MCF2L: variants seen among roughly 807,000 people sequenced by gnomAD.
MCF2L encodes the protein guanine nucleotide exchange factor DBS.
Under a neutral mutation model 153.4 loss-of-function variants are expected in MCF2L, and 97 were observed. That is an observed-to-expected ratio of 0.63 (90% CI 0.54 to 0.75). The LOEUF (loss-of-function observed/expected upper bound fraction) is 0.75, where lower values mean the gene tolerates loss of function less well. MCF2L is among the 30% of genes least tolerant of loss of function. The pLI is 0.00. For synonymous variants in MCF2L, 659 were observed against 632.2 expected (o/e 1.04, Z -0.64); for missense variants, 1,347 against 1,495.2 (o/e 0.90, Z 1.64).
intron 4 of MCF2L, among the ~76,000 whole-genome samples, chr13:113,051,231 G>T (rs543055304): frequency 6.6e-5 from 10 of 152,322 alleles, no homozygotes; most frequent in Admixed American, 5.2e-4. Context: ...GATTACAGGG[G>T]AGGAGCTGGG....
chr13:112,948,693 T>C (rs1418758579), intron 2 of MCF2L, among the ~76,000 whole-genome samples: 1 of 152,216 alleles, frequency 6.6e-6, no homozygotes, highest in Non-Finnish European at 1.5e-5. Context: ...ACTTCTTGTC[T>C]ACCTCTCTAG....
chr13:113,048,534 C>T (rs142265778), intron 4 of MCF2L, among the ~76,000 whole-genome samples: 1 of 140,118 alleles, frequency 7.1e-6, no homozygotes, highest in Non-Finnish European at 1.6e-5. Flanking sequence ...TCTGCCTCCC[C>T]GGGTTCACGC....
At position 113,090,341 on chromosome 13, in the gene MCF2L, C is replaced by T. The variant is rs7987715; in HGVS notation, c.2953+613C>T. On this transcript the variant is annotated intron_variant, in intron 26 of 29. Transcript: ENST00000535094. The stretch of plus-strand genomic sequence containing the variant: ...AGACACCAGAGTTATTTAGAGGTGG[C>T]TTTCCTTCGGGAAAATGAAGGCGAG... 5,372 of 985,450 alleles carry T rather than the reference C, an allele frequency of 5.5e-3. 229 individuals are homozygous for T. The African/African-American group carries it at 0.086, about 16-fold the overall frequency. The allele number at this position is 985,450 out of a possible 1,614,324, so 61.0% of individuals were successfully genotyped here.
chr13:113,019,389 C>A (rs1362206792), intron 2 of MCF2L, among the ~76,000 whole-genome samples: 1 of 152,216 alleles, frequency 6.6e-6, no homozygotes, highest in African/African-American at 2.4e-5. Context: ...CCGATCCGAT[C>A]CTGCGCTCCC....
chr13:113,014,892 G>T, intron 2 of MCF2L, 46 bp downstream of exon 2: 6 of 1,577,604 alleles, frequency 3.8e-6, no homozygotes, highest in Non-Finnish European at 5.2e-6. Flanking sequence ...GGGGTCTGGG[G>T]CCGGGTGTGG....
intron 27 of MCF2L, 47 bp downstream of exon 27, chr13:113,094,682 G>C (rs367897957): frequency 6.4e-7 from 1 of 1,574,182 alleles, no homozygotes; most frequent in Non-Finnish European, 8.6e-7. Context: ...GCTGCCCTCC[G>C]GGGATTAGGG....
chr13:113,091,622 G>A (rs143001746), intron 26 of MCF2L, among the ~76,000 whole-genome samples: 17 of 152,166 alleles, frequency 1.1e-4, no homozygotes, highest in African/African-American at 3.4e-4. Flanking sequence ...TGGCAGGGCC[G>A]ACCCGGACCC....
rs367927354 is a variant in MCF2L, at chr13:112,911,479, G to A, written c.169+9108G>A. On this transcript the variant is annotated intron_variant, in intron 2 of 29. Transcript: ENST00000375608. ...CCAGCGTGGCCGCCATGTTGGCCGT[G>A]ATCCCCGGATCCTGCCTGCTGCAGG... Among the ~76,000 whole-genome samples, 127 of 152,370 alleles carry A rather than the reference G, an allele frequency of 8.3e-4. 2 individuals carry two copies. In the East Asian group the frequency reaches 0.023, roughly 28 times the overall value.
In MCF2L at chr13:113,040,412, C is replaced by CTGTGTGTGTG. The variant is rs6145252; in HGVS notation, c.279-4843_279-4834dup. 7.7e-3 allele frequency: 1,086 copies of CTGTGTGTGTG among 140,252 alleles called. 22 individuals are homozygous for CTGTGTGTGTG. The highest frequency in any genetic ancestry group is 0.027 in the African/African-American group (962 of 35,908). The allele number at this position is 140,252 out of a possible 1,614,324, so 8.7% of individuals were successfully genotyped here. ...GTCGCACTGTGCAGGGAGGGCCTTC[C>CTGTGTGTGTG]TGTGTGTGTGTGTGTGTGTGTGTGT... On this transcript the variant is annotated intron_variant, in intron 3 of 29. Transcript: ENST00000535094.
intron 1 of MCF2L, among the ~76,000 whole-genome samples, chr13:112,895,387 G>A (rs1362882237): frequency 6.6e-6 from 1 of 152,138 alleles, no homozygotes; most frequent in African/African-American, 2.4e-5. Context: ...GGACCGACAC[G>A]GCTGACCACA....
At chr13:112,945,231 T>C (rs1191957001) in intron 2 of MCF2L, among the ~76,000 whole-genome samples, 1 of 152,140 alleles carries the variant, frequency 6.6e-6, no homozygotes, top group Admixed American at 6.5e-5. Flanking sequence ...ATCCATGACA[T>C]TATGCACTTC....
Position 112,935,024 on chromosome 13 carries a change from T to G in MCF2L, c.169+32653T>G, listed in dbSNP as rs900299278. Among the ~76,000 whole-genome samples, 4 of 152,294 alleles carry G rather than the reference T, an allele frequency of 2.6e-5. No individual in the cohort carries two copies. In the South Asian group the frequency reaches 6.2e-4, roughly 24 times the overall value. On this transcript the variant is annotated intron_variant, in intron 2 of 29. Coordinates refer to the MCF2L transcript ENST00000375608. ...AATCCAGCAAGGTGGTTGAATTGTGTCCCCTTAAAATTTGTATGTTGAAGC... is the reference window on the plus strand; with the variant it reads ...AATCCAGCAAGGTGGTTGAATTGTGGCCCCTTAAAATTTGTATGTTGAAGC...
intron 1 of MCF2L, among the ~76,000 whole-genome samples, chr13:113,000,237 G>C (rs2141038237): frequency 6.6e-6 from 1 of 152,316 alleles, no homozygotes; most frequent in South Asian, 2.1e-4. Context: ...TGGCTCAGGG[G>C]GCAGCTCACA....
intron 12 of MCF2L, among the ~76,000 whole-genome samples, chr13:113,076,799 G>A (rs2033527830): frequency 6.6e-6 from 1 of 152,256 alleles, no homozygotes; most frequent in Admixed American, 6.5e-5. Flanking sequence ...CATGCCTGGG[G>A]AAGGCTGCAG....
chr13:112,998,014 A>T lies in MCF2L; in HGVS notation c.80-16749A>T, dbSNP rs1409748044. Among the ~76,000 whole-genome samples the T allele has an allele frequency of 2.0e-5, 3 of 152,182 alleles. No homozygotes were observed. In the East Asian group the frequency reaches 5.8e-4, roughly 29 times the overall value. ...TCGGCTCTGTGCCCTGCGTGAGCCC[A>T]TGTGTGCGGGGCCTTTGTGTTGCAC... is the stretch of plus-strand genomic sequence containing the variant. On this transcript the variant is annotated intron_variant, in intron 1 of 29. Transcript: ENST00000535094.
chr13:113,051,416 C>T (rs1484235569), intron 4 of MCF2L, among the ~76,000 whole-genome samples: 1 of 152,186 alleles, frequency 6.6e-6, no homozygotes, highest in Non-Finnish European at 1.5e-5. Context: ...GAGGCTTCCA[C>T]GACGCTGAGA....
At chr13:112,933,633 C>T (rs1185421209) in intron 2 of MCF2L, among the ~76,000 whole-genome samples, 3 of 152,252 alleles carry the variant, frequency 2.0e-5, no homozygotes, top group African/African-American at 7.2e-5. Flanking sequence ...ACAAATATTT[C>T]TAGTAGTGCA....
intron 1 of MCF2L, among the ~76,000 whole-genome samples, chr13:112,896,716 C>T (rs79474001): frequency 0.018 from 2,743 of 152,290 alleles, 105 homozygotes; most frequent in African/African-American, 0.063. Flanking sequence ...CAGCCCACCC[C>T]GCTTCACTGT....
intron 2 of MCF2L, among the ~76,000 whole-genome samples, chr13:112,948,785 G>T (rs1304154172): frequency 6.6e-6 from 1 of 152,214 alleles, no homozygotes; most frequent in Non-Finnish European, 1.5e-5. Flanking sequence ...CAGAAAAGTG[G>T]CTGGGCATGG....
Sources: allele counts gnomAD v4.1 joint callset (sites outside exome capture counted in the v4.1 genomes callset), GRCh38; gene constraint gnomAD v4.1.1; transcripts MANE v1.5; gene names NCBI Gene and HGNC (gene_info 2026-07-23, HGNC 2026-07-21).